JAG2: variants seen among roughly 807,000 people sequenced by gnomAD.
JAG2 encodes the protein protein jagged-2.
A neutral mutation model predicts 141.7 loss-of-function variants in JAG2; 46 were observed. The observed-to-expected ratio is 0.32, with a 90% CI of 0.26 to 0.42. JAG2 has a LOEUF of 0.42. Among genes scored for constraint, JAG2 ranks in the 10% least tolerant of loss-of-function variants. JAG2 has a pLI of 1.00. For synonymous variants in JAG2, 862 were observed against 763.5 expected (o/e 1.13, Z -2.13); for missense variants, 1,500 against 1,817.5 (o/e 0.83, Z 3.18).
rs150843780 is a variant in JAG2 at position 105,164,279 on chromosome 14, C to T, written c.417+3478G>A. Among the ~76,000 whole-genome samples, 33 of 152,332 alleles carry T rather than the reference C, an allele frequency of 2.2e-4. No individual in the cohort carries two copies. The East Asian group carries it at 4.6e-3, about 21-fold the overall frequency. ...TGAATGCCCCACCCTGCCCCCATACCAAAGCTTTGAACCAGACCCCCAATG... is the reference window on the plus strand; with the variant it reads ...TGAATGCCCCACCCTGCCCCCATACTAAAGCTTTGAACCAGACCCCCAATG... On this transcript the variant is annotated intron_variant, in intron 2 of 25. Transcript: ENST00000331782.
At chr14:105,145,129 G>A in intron 23 of JAG2, 68 bp from the exon 24 acceptor site, 1 of 1,591,676 alleles carries the variant, frequency 6.3e-7, no homozygotes, top group Middle Eastern at 2.2e-4. Context: ...CCCTGGACTG[G>A]CGCTGTGGGT....
At chr14:105,161,697 G>A (rs1370847856) in intron 2 of JAG2, among the ~76,000 whole-genome samples, 2 of 152,162 alleles carry the variant, frequency 1.3e-5, no homozygotes, top group East Asian at 1.9e-4. Context: ...TCTTCCCTAG[G>A]GGCCAGCCTC....
Position 105,148,198 on chromosome 14 carries a change from G to A in JAG2, c.2166C>T (p.Ser722=), listed in dbSNP as rs1157175165. The change falls in exon 17 of 26, where the codon AGC becomes AGT. Residue 722 remains serine (S), a synonymous_variant. Transcript: ENST00000331782. ...REFQCDAYTC[S]NGGTCYDSGD... Reference sequence around the variant, plus strand: ...CGCTGTCGTAGCAGGTGCCACCGTTGCTGCAGGTGTAGGCATCGCACTGGA... The same window carrying A: ...CGCTGTCGTAGCAGGTGCCACCGTTACTGCAGGTGTAGGCATCGCACTGGA... The A allele has an allele frequency of 4.5e-6, 7 of 1,555,430 alleles. No individual in the cohort carries two copies. In the Admixed American group the frequency reaches 1.4e-4, roughly 30 times the overall value.
chr14:105,165,022 C>T (rs938566848), intron 2 of JAG2, among the ~76,000 whole-genome samples: 8 of 152,158 alleles, frequency 5.3e-5, no homozygotes, highest in Non-Finnish European at 1.0e-4. Flanking sequence ...CACACCACCC[C>T]GCACAGCTGC....
intron 2 of JAG2, among the ~76,000 whole-genome samples, chr14:105,166,586 G>A (rs999815945): frequency 1.9e-4 from 29 of 152,208 alleles, no homozygotes; most frequent in South Asian, 2.1e-4. Flanking sequence ...CAGCTTCCAC[G>A]GGTGGGAGCT....
Position 105,146,304 on chromosome 14 carries a change from C to T in JAG2, c.2709+81G>A, listed in dbSNP as rs587676243. ...CTCAGTCCATCCGGACCCCAGCACC[C>T]GCCTCCTGATCTCACAGAGTGGCCA... is the stretch of plus-strand genomic sequence containing the variant. On this transcript the variant is annotated intron_variant, in intron 22 of 25. Coordinates refer to ENST00000331782, the MANE Select transcript of JAG2 (RefSeq NM_002226.5). The T allele has an allele frequency of 2.2e-4, 283 of 1,259,398 alleles. 1 individual carries two copies. Among genetic ancestry groups the T allele is most frequent in the Middle Eastern group, 1.3e-3 (5 of 3,860 alleles). 78.0% of individuals were successfully genotyped at this position (1,259,398 alleles called of 1,614,324 possible). A position where few individuals can be genotyped will look rare whatever the true frequency, so the allele number is the denominator to read the frequency against.
Position 105,167,907 on chromosome 14 carries a change from G to C in JAG2, c.267C>G (p.Ser89Arg). 6.3e-7 allele frequency: 1 copy of C among 1,592,308 alleles called. No individual in the cohort carries two copies. Among genetic ancestry groups the C allele is most frequent in the Non-Finnish European group, 8.5e-7 (1 of 1,173,496 alleles). The change falls in exon 2 of 26, where the codon AGC becomes AGG. Residue 89 changes from serine (S) to arginine (R), a missense_variant. Physicochemically the swap from Ser to Arg is moderately radical, Grantham distance 110. Around this residue, in one of 3 missense-constraint regions of JAG2, gnomAD observed 200 missense variants for 174.3 expected, o/e 1.15. Coordinates refer to ENST00000331782, the MANE Select transcript of JAG2 (RefSeq NM_002226.5). The surrounding 1 kb of genome is among the most constrained non-coding windows in gnomAD (Gnocchi z 4.8). ...QAKVTPTGPCSYGHGATPVLG... is the reference protein window; with the variant it reads ...QAKVTPTGPCRYGHGATPVLG... Reference sequence around the variant, plus strand: ...GCACGGGCGTGGCGCCGTGGCCGTAGCTGCAGGGCCCCGTGGGCGTCACCT... The same window carrying C: ...GCACGGGCGTGGCGCCGTGGCCGTACCTGCAGGGCCCCGTGGGCGTCACCT...
chr14:105,168,271 GC>G, intron 1 of JAG2, 83 bp downstream of exon 1: 5 of 721,310 alleles, frequency 6.9e-6, no homozygotes, highest in South Asian at 5.9e-5. Flanking sequence ...AACCACGGCG[GC>G]CCCAGGCAGT....
chr14:105,166,873 C>G (rs1350414858), intron 2 of JAG2, among the ~76,000 whole-genome samples: 1 of 152,176 alleles, frequency 6.6e-6, no homozygotes, highest in Non-Finnish European at 1.5e-5. Flanking sequence ...TTCCAGGCCC[C>G]CAGCACAATG....
chr14:105,151,103 G>C lies in JAG2; in HGVS notation c.1269C>G (p.Asp423Glu). The change falls in exon 10 of 26, where the codon GAC becomes GAG. Residue 423 changes from aspartate (D) to glutamate (E), a missense_variant and splice_region_variant. By Grantham distance (45) the Asp-to-Glu change is conservative. Coordinates refer to ENST00000331782, the MANE Select transcript of JAG2 (RefSeq NM_002226.5). ...EQWVGATCQL[D>E]ANECEGKPCL... The stretch of plus-strand genomic sequence containing the variant: ...ATGGCTTCCCTTCACACTCATTGGC[G>C]TCTGTGAAAGAGACAAGGTGGGAGC... 1 of 1,609,140 alleles carries C rather than the reference G, an allele frequency of 6.2e-7. No individual in the cohort carries two copies. Among genetic ancestry groups the C allele is most frequent in the Non-Finnish European group, 8.5e-7 (1 of 1,178,126 alleles).
chr14:105,143,609 G>A lies in JAG2; in HGVS notation c.3114C>T (p.Asp1038=). The change falls in exon 25 of 26, where the codon GAC becomes GAT. Residue 1038 remains aspartate (D), a synonymous_variant. Coordinates refer to ENST00000331782, the MANE Select transcript of JAG2 (RefSeq NM_002226.5). ...GGGCCGCGCCCTGGATCAGGCTGCTGTCAGGCAGGTCCCTGGCAGGGCTGA... is the reference window on the plus strand; with the variant it reads ...GGGCCGCGCCCTGGATCAGGCTGCTATCAGGCAGGTCCCTGGCAGGGCTGA... The part of the protein sequence containing the change: ...VSFSPARDLP[D]SSLIQGAAHA... 2 of 1,608,278 alleles carry A rather than the reference G, an allele frequency of 1.2e-6. No individual in the cohort carries two copies. Among genetic ancestry groups the A allele is most frequent in the Non-Finnish European group, 1.7e-6 (2 of 1,179,698 alleles).
In JAG2 at chr14:105,150,700, A is replaced by G; in HGVS notation, c.1506T>C (p.Cys502=). ...GRHCELERDE[C]ASSPCHSGGL... ...CGCCGCTGTGGCAGGGGCTGCTGGC[A>G]CACTCGTCTCGTTCCAGCTCGCAAT... The change falls in exon 12 of 26, where the codon TGT becomes TGC. Residue 502 remains cysteine, a synonymous_variant. Coordinates refer to ENST00000331782, the MANE Select transcript of JAG2 (RefSeq NM_002226.5). 6.4e-7 allele frequency: 1 copy of G among 1,557,998 alleles called. No individual in the cohort carries two copies. The highest frequency in any genetic ancestry group is 1.4e-5 in the African/African-American group (1 of 73,460).
At position 105,149,281 on chromosome 14, in the gene JAG2, C is replaced by T. The variant is rs761617021; in HGVS notation, c.1642G>A (p.Gly548Ser). The T allele has an allele frequency of 1.6e-5, 25 of 1,612,608 alleles. No individual in the cohort carries two copies. The highest frequency in any genetic ancestry group is 9.3e-5 in the African/African-American group (7 of 74,948). The change falls in exon 13 of 26, where the codon GGC becomes AGC. Residue 548 changes from glycine to serine, a missense_variant. Physicochemically the swap from Gly to Ser is moderately conservative, Grantham distance 56 (BLOSUM62 0). Transcript: ENST00000331782. ...CCCTCCAGGTTATAGCAGCGAGCGC[C>T]GTTCCGGCAGGGGCTTGGCTCACAA... ...DLCEPSPCRN[G>S]ARCYNLEGDY...
chr14:105,163,033 C>T (rs1023409413), intron 2 of JAG2, among the ~76,000 whole-genome samples: 8 of 150,382 alleles, frequency 5.3e-5, no homozygotes, highest in Non-Finnish European at 8.8e-5. Flanking sequence ...GTCCAGGGCC[C>T]TGCACGGTCC....
intron 2 of JAG2, among the ~76,000 whole-genome samples, chr14:105,159,623 A>G (rs113157791): frequency 9.8e-4 from 95 of 97,154 alleles, no homozygotes; most frequent in African/African-American, 3.6e-3. Flanking sequence ...AAAGAACTCA[A>G]TCCACATCCC....
At chr14:105,151,576 A>G (rs762915635) in intron 8 of JAG2, 50 bp downstream of exon 8, 1 of 1,475,038 alleles carries the variant, frequency 6.8e-7, no homozygotes, top group South Asian at 1.2e-5. Context: ...CCACTCCCAG[A>G]CCCCCACTGA....
At chr14:105,163,995 A>G (rs1888836021) in intron 2 of JAG2, among the ~76,000 whole-genome samples, 1 of 151,932 alleles carries the variant, frequency 6.6e-6, no homozygotes, top group African/African-American at 2.4e-5. Context: ...GCACCCCTTC[A>G]CTGGCCTAGC....
intron 12 of JAG2, among the ~76,000 whole-genome samples, chr14:105,150,137 G>T (rs1347449908): frequency 1.4e-5 from 2 of 147,038 alleles, no homozygotes; most frequent in Non-Finnish European, 3.0e-5. Flanking sequence ...GGGGAGGTTG[G>T]GGGAGGGGGT....
chr14:105,159,608 C>T (rs1282594361), intron 2 of JAG2, among the ~76,000 whole-genome samples: 2 of 136,716 alleles, frequency 1.5e-5, no homozygotes, highest in African/African-American at 5.5e-5. Flanking sequence ...TCCATCCACA[C>T]CCCCAAAGAA....
Sources: gnomAD v4.1 joint callset for allele counts (sites outside exome capture counted in the v4.1 genomes callset) on GRCh38, gnomAD v4.1.1 for gene constraint, gnomAD v4.1.1 regional missense constraint, Gnocchi (gnomAD v3.1) non-coding constraint, MANE v1.5 for transcripts, NCBI Gene and HGNC (gene_info 2026-07-23, HGNC 2026-07-21) for gene names.